The following CFAP97 variants were observed in gnomAD, a reference collection of about 807,000 sequenced individuals.
CFAP97 encodes cilia- and flagella-associated protein 97.
A neutral mutation model predicts 43.1 loss-of-function variants in CFAP97; 36 were observed. The ratio of observed to expected loss-of-function variants is 0.84; its 90% CI spans 0.64 to 1.10. The LOEUF is 1.10. CFAP97 is among the 50% of genes least tolerant of loss of function. The pLI is 0.00. For synonymous variants in CFAP97, 228 were observed against 225.7 expected, an observed-to-expected ratio of 1.01 and a Z score of -0.09; for missense variants, 657 against 620.3, an observed-to-expected ratio of 1.06 and a Z score of -0.63.
At chr4:185,202,266 A>G (rs72704042) in intron 1 of CFAP97, among the ~76,000 whole-genome samples, 20,028 of 152,130 alleles carry the variant, frequency 0.13, 1,408 homozygotes, top group African/African-American at 0.16. Flanking sequence ...ATGGAGGCTC[A>G]TGTGCGGTGG....
chr4:185,191,334 TAAA>T (rs1189304413), intron 1 of CFAP97, 122 bp from the exon 2 acceptor site: 4 of 687,506 alleles, frequency 5.8e-6, no homozygotes, highest in Non-Finnish European at 6.5e-6. Flanking sequence ...AGAAACATTA[TAAA>T]AACAACAACA....
At chr4:185,167,906 T>C (rs1467410994) in intron 3 of CFAP97, among the ~76,000 whole-genome samples, 1 of 146,356 alleles carries the variant, frequency 6.8e-6, no homozygotes, top group Non-Finnish European at 1.5e-5. Context: ...GGCTGAGGCA[T>C]GAGAATCACT....
chr4:185,173,613 T>C (rs1374977123), intron 3 of CFAP97, among the ~76,000 whole-genome samples: 1 of 152,136 alleles, frequency 6.6e-6, no homozygotes, highest in East Asian at 1.9e-4. Flanking sequence ...CATGAAAACA[T>C]TTTAAGTGAA....
Position 185,162,874 on chromosome 4 carries a change from C to G in CFAP97, c.1523G>C (p.Arg508Pro). ...ATSGLSCRSE[R>P]SAVDPSSGHP... Reference sequence around the variant, plus strand: ...GCCACTGGAGGGGTCAACCGCTGATCGCTCACTCCTACAACTGAGACCACT... The same window carrying G: ...GCCACTGGAGGGGTCAACCGCTGATGGCTCACTCCTACAACTGAGACCACT... The change falls in exon 5 of 5, where the codon CGA (arginine) becomes CCA (proline). Residue 508 changes from arginine to proline, a missense_variant. Arg to Pro is a moderately radical substitution (Grantham distance 103). Coordinates refer to ENST00000458385, the MANE Select transcript of CFAP97 (RefSeq NM_020827.3). 3.7e-6 allele frequency: 6 copies of G among 1,611,468 alleles called. No homozygotes were observed. Among genetic ancestry groups the G allele is most frequent in the Non-Finnish European group, 5.1e-6 (6 of 1,178,926 alleles).
intron 1 of CFAP97, among the ~76,000 whole-genome samples, chr4:185,197,680 C>G (rs750211733): frequency 2.0e-5 from 3 of 152,176 alleles, no homozygotes; most frequent in Non-Finnish European, 4.4e-5. Context: ...CCCGCCTTGG[C>G]CTCCCAAAGT....
In CFAP97 at chr4:185,162,296, G is replaced by A. The variant is rs1422338837; in HGVS notation, c.*502C>T. The A allele has an allele frequency of 6.4e-6, 1 of 156,062 alleles. No individual in the cohort carries two copies. The highest frequency in any genetic ancestry group is 2.4e-5 in the African/African-American group (1 of 41,432). 9.7% of individuals were successfully genotyped at this position (156,062 alleles called of 1,614,324 possible). A position where few individuals can be genotyped will look rare whatever the true frequency, so the allele number is the denominator to read the frequency against. On this transcript the variant is annotated 3_prime_UTR_variant, in exon 5 of 5. Transcript: ENST00000458385. ...CATCAAATCTAGATCAGCTCTACCA[G>A]TGAAAACAAATTTCAAGATTTGTTT...
In CFAP97 at chr4:185,162,315, T is replaced by C. The variant is rs1734899350; in HGVS notation, c.*483A>G. ...CTACCAGTGAAAACAAATTTCAAGA[T>C]TTGTTTCATAATAAGTGTTAAATCT... On this transcript the variant is annotated 3_prime_UTR_variant, in exon 5 of 5. Coordinates refer to ENST00000458385, the MANE Select transcript of CFAP97 (RefSeq NM_020827.3). The C allele has an allele frequency of 6.5e-6, 1 of 154,926 alleles. No individual in the cohort carries two copies. Among genetic ancestry groups the C allele is most frequent in the South Asian group, 2.0e-4 (1 of 5,066 alleles). 9.6% of individuals were successfully genotyped at this position (154,926 alleles called of 1,614,324 possible). A position where few individuals can be genotyped will look rare whatever the true frequency, so the allele number is the denominator to read the frequency against.
chr4:185,193,518 C>A (rs535141788), intron 1 of CFAP97, among the ~76,000 whole-genome samples: 1 of 152,092 alleles, frequency 6.6e-6, no homozygotes, highest in East Asian at 1.9e-4. Flanking sequence ...TGGTAGTGTG[C>A]GCCTGTAATC....
chr4:185,168,054 C>T (rs1735141003), intron 3 of CFAP97, among the ~76,000 whole-genome samples: 1 of 149,300 alleles, frequency 6.7e-6, no homozygotes, highest in Admixed American at 6.7e-5. Flanking sequence ...GTTAATATTG[C>T]TGTATTTTCT....
intron 1 of CFAP97, among the ~76,000 whole-genome samples, chr4:185,195,457 T>C (rs1366500681): frequency 6.6e-6 from 1 of 152,222 alleles, no homozygotes; most frequent in Non-Finnish European, 1.5e-5. Flanking sequence ...CACTCCAGCC[T>C]GGGCTACAGG....
intron 1 of CFAP97, 139 bp from the exon 2 acceptor site, chr4:185,191,351 A>G: frequency 3.2e-6 from 2 of 618,544 alleles, no homozygotes. Flanking sequence ...AACAACAAAA[A>G]AGGTAACTCA....
intron 1 of CFAP97, among the ~76,000 whole-genome samples, chr4:185,201,892 G>C (rs935724389): frequency 4.6e-5 from 7 of 152,112 alleles, no homozygotes; most frequent in African/African-American, 1.7e-4. Flanking sequence ...ACACCGTATA[G>C]AAACTTTCTG....
At chr4:185,201,077 A>G (rs558292207) in intron 1 of CFAP97, among the ~76,000 whole-genome samples, 2 of 152,278 alleles carry the variant, frequency 1.3e-5, no homozygotes, top group East Asian at 3.9e-4. Context: ...TAATCCCAAC[A>G]CTTTGGGAGG....
Position 185,190,265 on chromosome 4 carries a change from C to T in CFAP97, c.932G>A (p.Gly311Glu), listed in dbSNP as rs1736177003. The T allele has an allele frequency of 1.2e-6, 2 of 1,612,942 alleles. No individual in the cohort carries two copies. Among genetic ancestry groups the T allele is most frequent in the African/African-American group, 1.3e-5 (1 of 75,044 alleles). Residue 311 changes from glycine to glutamate, a missense_variant, in exon 2 of 5, where the codon GGG becomes GAG. Transcript: ENST00000458385. ...NSKYLKAAKK[G>E]KEKHEPDVSS... The stretch of plus-strand genomic sequence containing the variant: ...GACATCAGGCTCATGTTTTTCTTTC[C>T]CTTTTTTGGCTGCTTTCAAATATTT...
At chr4:185,188,995 C>T (rs765913644) in intron 2 of CFAP97, among the ~76,000 whole-genome samples, 3 of 152,140 alleles carry the variant, frequency 2.0e-5, no homozygotes, top group Middle Eastern at 3.2e-3. Context: ...CCCAGCCCTT[C>T]GGGACGCTGA....
chr4:185,163,064 G>A, intron 4 of CFAP97, 139 bp from the exon 5 acceptor site: 1 of 661,540 alleles, frequency 1.5e-6, no homozygotes, highest in Non-Finnish European at 2.2e-6. Context: ...AATTCCCTGT[G>A]GAAGTTAAAA....
At chr4:185,196,715 T>C in intron 1 of CFAP97, among the ~76,000 whole-genome samples, 1 of 152,164 alleles carries the variant, frequency 6.6e-6, no homozygotes, top group East Asian at 1.9e-4. Flanking sequence ...TTAGACAGTG[T>C]CAAGTGTCAT....
chr4:185,164,423 C>T (rs1455403512), intron 3 of CFAP97, among the ~76,000 whole-genome samples: 4 of 152,082 alleles, frequency 2.6e-5, no homozygotes, highest in Admixed American at 2.6e-4. Flanking sequence ...AAATCATTCT[C>T]GACATACCAT....
rs1736244741 is a variant in CFAP97, at chr4:185,191,266, T to C, written c.-16-54A>G. 5.0e-6 allele frequency: 6 copies of C among 1,207,340 alleles called. No individual in the cohort carries two copies. The South Asian group carries it at 1.1e-4, about 21-fold the overall frequency. 74.8% of individuals were successfully genotyped at this position (1,207,340 alleles called of 1,614,324 possible). A position where few individuals can be genotyped will look rare whatever the true frequency, so the allele number is the denominator to read the frequency against. On this transcript the variant is annotated intron_variant, in intron 1 of 4. Coordinates refer to ENST00000458385, the MANE Select transcript of CFAP97 (RefSeq NM_020827.3). The stretch of plus-strand genomic sequence containing the variant: ...AAGAGTGATTTCCAAATACTTTCCA[T>C]TTGTATACAATAATTAAATAATTTT...
Sources: gnomAD v4.1 joint callset for allele counts (sites outside exome capture counted in the v4.1 genomes callset) on GRCh38, gnomAD v4.1.1 for gene constraint, MANE v1.5 for transcripts, NCBI Gene and HGNC (gene_info 2026-07-23, HGNC 2026-07-21) for gene names.